Variants in LTN1 observed in about 807,000 individuals in gnomAD.
The protein encoded by LTN1 is E3 ubiquitin-protein ligase listerin.
Under a neutral mutation model 201.2 loss-of-function variants are expected in LTN1, and 88 were observed. The observed-to-expected ratio is 0.44, with a 90% CI of 0.37 to 0.52. The LOEUF (loss-of-function observed/expected upper bound fraction) is 0.52. Among genes scored for constraint, LTN1 ranks in the 20% least tolerant of loss-of-function variants. The probability of loss-of-function intolerance (pLI) is 0.00; values close to 1 mark genes in which losing one functional copy is unlikely to be tolerated. For missense variants in LTN1, 1,752 were observed against 2,038.7 expected, an observed-to-expected ratio of 0.86 and a Z score of 2.71; for synonymous variants, 645 against 713.5, an observed-to-expected ratio of 0.90 and a Z score of 1.53.
chr21:28,960,816 T>C (rs1173193186), intron 11 of LTN1, 110 bp from the exon 12 acceptor site: 8 of 700,186 alleles, frequency 1.1e-5, no homozygotes, highest in Non-Finnish European at 1.9e-5. Context: ...GCTCCAATTC[T>C]ATCCCCCCTC....
intron 6 of LTN1, 23 bp from the exon 7 acceptor site, chr21:28,971,467 T>TA: frequency 6.2e-7 from 1 of 1,607,782 alleles, no homozygotes; most frequent in South Asian, 1.1e-5. Flanking sequence ...AAAGCTGAAT[T>TA]AAATTAAAAC....
rs2084555309 is a variant in LTN1, at chr21:28,969,490, A to T, written c.1287T>A (p.Ile429=). 1 of 1,612,136 alleles carries T rather than the reference A, an allele frequency of 6.2e-7. No homozygotes were observed. Among genetic ancestry groups the T allele is most frequent in the Admixed American group, 1.7e-5 (1 of 59,464 alleles). Residue 429 remains isoleucine (I), a synonymous_variant, in exon 9 of 30, where the codon ATT becomes ATA. Transcript: ENST00000361371. ...IMQQNLGEEE[I]EQMLVNDQLI... ...CCTGATCATTGACGAGCATCTGTTC[A>T]ATCTCTTCCTCACCTAAGTTTTGCT...
intron 6 of LTN1, among the ~76,000 whole-genome samples, chr21:28,972,936 A>G (rs555241789): frequency 8.3e-4 from 126 of 152,370 alleles, no homozygotes; most frequent in African/African-American, 2.9e-3. Context: ...AAGAAGGACA[A>G]TAAGACTGAT....
intron 19 of LTN1, among the ~76,000 whole-genome samples, chr21:28,946,509 G>A (rs1390638832): frequency 6.6e-6 from 1 of 152,138 alleles, no homozygotes; most frequent in Non-Finnish European, 1.5e-5. Flanking sequence ...GAGAATTTGG[G>A]GGAGGAGAAA....
At position 28,932,552 on chromosome 21, in the gene LTN1, A is replaced by T; in HGVS notation, c.4988T>A (p.Val1663Glu). The T allele has an allele frequency of 1.2e-6, 2 of 1,613,982 alleles. No individual in the cohort carries two copies. Among genetic ancestry groups the T allele is most frequent in the Non-Finnish European group, 1.7e-6 (2 of 1,179,872 alleles). Residue 1663 changes from valine to glutamate, a missense_variant, in exon 28 of 30, where the codon GTA becomes GAA. Transcript: ENST00000361371. ...PSNYPLGSII[V>E]ESGKRVGVAV... ...TACTCCTACTCTTTTCCCACTTTCT[A>T]CTATTATTGAACCCAGTGGATAATT... is the stretch of plus-strand genomic sequence containing the variant.
intron 11 of LTN1, among the ~76,000 whole-genome samples, chr21:28,962,380 A>C (rs1029072960): frequency 6.6e-6 from 1 of 152,150 alleles, no homozygotes; most frequent in Non-Finnish European, 1.5e-5. Context: ...TCTGTGTCAC[A>C]TTTTGGTAAT....
Position 28,966,771 on chromosome 21 carries a change from G to A in LTN1, c.1720C>T (p.Leu574Phe), listed in dbSNP as rs747948331. 6 of 1,613,840 alleles carry A rather than the reference G, an allele frequency of 3.7e-6. No homozygotes were observed. In the South Asian group the frequency reaches 4.4e-5, roughly 12 times the overall value. ...AAAAGGCCTGAAGAATTATGAGTGA[G>A]AGAAGGTTCAGTTGTTAATTCCCAG... ...EGWELTTEPS[L>F]THNSSGLLSP... Residue 574 changes from leucine (L) to phenylalanine (F), a missense_variant, in exon 10 of 30, where the codon CTC becomes TTC. Coordinates refer to ENST00000361371, the MANE Select transcript of LTN1 (RefSeq NM_015565.3).
At position 28,940,366 on chromosome 21, in the gene LTN1, A is replaced by G. The variant is rs541440996; in HGVS notation, c.4482+854T>C. On this transcript the variant is annotated intron_variant, in intron 25 of 29. Coordinates refer to ENST00000361371, the MANE Select transcript of LTN1 (RefSeq NM_015565.3). ...TTGGACAAGGTCTTACTTCCTAAAC[A>G]TGAGACAACAGAGACATCTAGTGGC... Among the ~76,000 whole-genome samples, 6 of 152,336 alleles carry G rather than the reference A, an allele frequency of 3.9e-5. No homozygotes were observed. In the East Asian group the frequency reaches 5.8e-4, roughly 15 times the overall value.
At chr21:28,971,058 T>C (rs2084570176) in intron 7 of LTN1, among the ~76,000 whole-genome samples, 1 of 152,226 alleles carries the variant, frequency 6.6e-6, no homozygotes, top group Non-Finnish European at 1.5e-5. Context: ...AAAATTCAGT[T>C]ATGGTGACTG....
chr21:28,986,455 T>A lies in LTN1; in HGVS notation c.247-218A>T. The stretch of plus-strand genomic sequence containing the variant: ...TAAAACATCTACAAACAAAAAAACC[T>A]CATTTAAAGTTACAAGGTCAAAGTT... On this transcript the variant is annotated intron_variant, in intron 2 of 29. Coordinates refer to ENST00000361371, the MANE Select transcript of LTN1 (RefSeq NM_015565.3). This position sits in a 1 kb window ranked among gnomAD's most constrained non-coding sequence, Gnocchi z 4.1. 1.5e-6 allele frequency: 1 copy of A among 677,572 alleles called. No homozygotes were observed. Among genetic ancestry groups the A allele is most frequent in the Non-Finnish European group, 2.7e-6 (1 of 377,078 alleles). The allele number at this position is 677,572 out of a possible 1,614,324, so 42.0% of individuals were successfully genotyped here. A position where few individuals can be genotyped will look rare whatever the true frequency, so the allele number is the denominator to read the frequency against.
chr21:28,981,435 C>G, intron 5 of LTN1, 136 bp from the exon 6 acceptor site: 1 of 456,982 alleles, frequency 2.2e-6, no homozygotes, highest in South Asian at 6.4e-5. Context: ...TTCCCCTGTG[C>G]CAACGCCCCT....
chr21:28,933,405 T>A (rs556870171), intron 27 of LTN1, among the ~76,000 whole-genome samples: 1 of 152,206 alleles, frequency 6.6e-6, no homozygotes, highest in Non-Finnish European at 1.5e-5. Context: ...ATGCTATAGA[T>A]TGTGGTCAGA....
chr21:28,987,920 G>T (rs1457151343), intron 1 of LTN1, among the ~76,000 whole-genome samples: 1 of 152,008 alleles, frequency 6.6e-6, no homozygotes, highest in Non-Finnish European at 1.5e-5. Context: ...AAGGCGGGCA[G>T]ATCACGAGGT....
chr21:28,980,328 G>A (rs867115005), intron 6 of LTN1, among the ~76,000 whole-genome samples: 2 of 138,646 alleles, frequency 1.4e-5, no homozygotes, highest in African/African-American at 5.4e-5. Context: ...CAATGCTAAT[G>A]AATCAACAAT....
At position 28,984,729 on chromosome 21, in the gene LTN1, G is replaced by A. The variant is rs779158684; in HGVS notation, c.539C>T (p.Pro180Leu). Residue 180 changes from proline to leucine, a missense_variant, in exon 4 of 30, where the codon CCT (proline) becomes CTT (leucine). Coordinates refer to ENST00000361371, the MANE Select transcript of LTN1 (RefSeq NM_015565.3). ...ATCCTTACAAAATGCTATGGCTTCA[G>A]GTTGCTTGCTTGGAGGAAAAGCCGC... Reference protein sequence around the residue: ...FEAAFPPSKQPEAIAFCKDEI... With the variant: ...FEAAFPPSKQLEAIAFCKDEI... 29 of 1,613,912 alleles carry A rather than the reference G, an allele frequency of 1.8e-5. No individual in the cohort carries two copies. Among genetic ancestry groups the A allele is most frequent in the South Asian group, 6.6e-5 (6 of 91,082 alleles).
chr21:28,964,533 C>G, intron 11 of LTN1: 2 of 1,460,626 alleles, frequency 1.4e-6, no homozygotes, highest in Non-Finnish European at 1.8e-6. Flanking sequence ...ATCCAAAATA[C>G]TTGTGTAACT....
At chr21:28,940,669 C>T (rs2084290182) in intron 25 of LTN1, among the ~76,000 whole-genome samples, 1 of 151,904 alleles carries the variant, frequency 6.6e-6, no homozygotes, top group South Asian at 2.1e-4. Flanking sequence ...AATAAAAGAA[C>T]CTGGTGACTA....
chr21:28,987,671 G>A (rs977418146), intron 1 of LTN1, among the ~76,000 whole-genome samples: 7 of 152,158 alleles, frequency 4.6e-5, no homozygotes, highest in African/African-American at 1.7e-4. Context: ...ACTAAAAGGA[G>A]GTGAGTTGAT....
intron 18 of LTN1, among the ~76,000 whole-genome samples, chr21:28,951,605 G>A (rs1300906708): frequency 1.3e-5 from 2 of 151,806 alleles, no homozygotes; most frequent in African/African-American, 2.4e-5. Context: ...ATGAAATGCT[G>A]TTGGCTTAAA....
Sources: gnomAD v4.1 joint callset for allele counts (sites outside exome capture counted in the v4.1 genomes callset) on GRCh38, gnomAD v4.1.1 for gene constraint, Gnocchi (gnomAD v3.1) non-coding constraint, MANE v1.5 for transcripts, NCBI Gene and HGNC (gene_info 2026-07-23, HGNC 2026-07-21) for gene names.